Variants in GUCY1A2 observed in about 807,000 individuals in gnomAD.
GUCY1A2 encodes the protein guanylate cyclase soluble subunit alpha-2.
A neutral mutation model predicts 63.5 loss-of-function variants in GUCY1A2; 27 were observed. The observed-to-expected ratio is 0.43, with a 90% CI of 0.31 to 0.59. GUCY1A2 has a LOEUF of 0.59. GUCY1A2 is among the 20% of genes least tolerant of loss of function. The pLI, the probability that GUCY1A2 is intolerant of heterozygous loss-of-function variation, is 0.11. For synonymous variants in GUCY1A2, 364 were observed against 343.5 expected, an observed-to-expected ratio of 1.06 and a Z score of -0.66; for missense variants, 768 against 913.3, an observed-to-expected ratio of 0.84 and a Z score of 2.05.
rs1459398181 is a variant in GUCY1A2 at position 106,676,537 on chromosome 11, T to C, written c.*11012A>G. On this transcript the variant is annotated 3_prime_UTR_variant, in exon 8 of 8. Transcript: ENST00000526355. ...ATTGTATATTGCTTTTTCAATAGAG[T>C]AGACATAAAATTGATGACAAATGTT... The C allele has an allele frequency of 5.4e-6, 1 of 186,546 alleles. No homozygotes were observed. Among genetic ancestry groups the C allele is most frequent in the East Asian group, 8.6e-5 (1 of 11,580 alleles). The allele number at this position is 186,546 out of a possible 1,614,324, so 11.6% of individuals were successfully genotyped here.
chr11:107,007,137 G>T (rs978442691), intron 1 of GUCY1A2, among the ~76,000 whole-genome samples: 1 of 152,104 alleles, frequency 6.6e-6, no homozygotes, highest in South Asian at 2.1e-4. Flanking sequence ...AAAAATGCAT[G>T]AATGATGTAG....
intron 4 of GUCY1A2, among the ~76,000 whole-genome samples, chr11:106,873,323 T>C (rs969038968): frequency 2.6e-5 from 4 of 152,222 alleles, no homozygotes; most frequent in Non-Finnish European, 5.9e-5. Context: ...CTTCTGGTTC[T>C]AGATCCTTGA....
At chr11:106,799,884 G>A (rs1212859081) in intron 5 of GUCY1A2, among the ~76,000 whole-genome samples, 1 of 152,182 alleles carries the variant, frequency 6.6e-6, no homozygotes, top group East Asian at 1.9e-4. Flanking sequence ...AGCCAAAATT[G>A]ACAAATGGGA....
Position 106,935,634 on chromosome 11 carries a change from G to T in GUCY1A2, c.1206+3826C>A, listed in dbSNP as rs112622045. ...GTGGGTGGATCACCTGAGGTCAGGA[G>T]TTTGAGACGAGACCAGTCTGGCCTC... On this transcript the variant is annotated intron_variant, in intron 4 of 7. Coordinates refer to ENST00000526355, the MANE Select transcript of GUCY1A2 (RefSeq NM_000855.3). Among the ~76,000 whole-genome samples, 193 of 152,216 alleles carry T rather than the reference G, an allele frequency of 1.3e-3. 1 individual carries two copies. The highest frequency in any genetic ancestry group is 4.4e-3 in the African/African-American group (181 of 41,528).
chr11:106,763,426 T>C (rs142727273), intron 6 of GUCY1A2, among the ~76,000 whole-genome samples: 16 of 152,120 alleles, frequency 1.1e-4, no homozygotes, highest in East Asian at 7.7e-4. Flanking sequence ...TGTTAAAAGC[T>C]TGATGGAGGT....
chr11:106,853,207 A>G (rs72986529), intron 4 of GUCY1A2, among the ~76,000 whole-genome samples: 2,490 of 152,202 alleles, frequency 0.016, 34 homozygotes, highest in Non-Finnish European at 0.025. Flanking sequence ...ATTTTCAGTT[A>G]TTATTTCATT....
At chr11:106,903,107 G>C (rs111952279) in intron 4 of GUCY1A2, among the ~76,000 whole-genome samples, 10 of 150,338 alleles carry the variant, frequency 6.7e-5, no homozygotes, top group African/African-American at 2.4e-4. Context: ...AACTTCTAAG[G>C]ATAAAATAAA....
At chr11:106,848,751 G>T (rs1204396197) in intron 4 of GUCY1A2, among the ~76,000 whole-genome samples, 1 of 151,664 alleles carries the variant, frequency 6.6e-6, no homozygotes. Context: ...AGTGGGAAAA[G>T]TGTGCTGCCT....
intron 1 of GUCY1A2, among the ~76,000 whole-genome samples, chr11:107,016,330 G>A (rs1297840192): frequency 6.6e-6 from 1 of 152,262 alleles, no homozygotes; most frequent in African/African-American, 2.4e-5. Context: ...TAAAAGATGG[G>A]TGGAGGTTTG....
intron 1 of GUCY1A2, among the ~76,000 whole-genome samples, chr11:107,016,166 T>C (rs1861820836): frequency 6.6e-6 from 1 of 152,204 alleles, no homozygotes; most frequent in Non-Finnish European, 1.5e-5. Flanking sequence ...TCATTTGCAG[T>C]AGTAATCTCA....
chr11:106,825,599 T>C (rs1858958939), intron 4 of GUCY1A2, among the ~76,000 whole-genome samples: 1 of 151,886 alleles, frequency 6.6e-6, no homozygotes, highest in Non-Finnish European at 1.5e-5. Flanking sequence ...TAACTATCTT[T>C]TTGAAAGCAA....
In GUCY1A2 at chr11:106,768,448, T is replaced by C. The variant is rs115525455; in HGVS notation, c.1836+7991A>G. 8.2e-3 allele frequency among the ~76,000 whole-genome samples: 1,255 copies of C among 152,268 alleles called. 19 individuals carry two copies. Among genetic ancestry groups the C allele is most frequent in the African/African-American group, 0.029 (1,218 of 41,566 alleles). On this transcript the variant is annotated intron_variant, in intron 6 of 7. Coordinates refer to ENST00000526355, the MANE Select transcript of GUCY1A2 (RefSeq NM_000855.3). ...AAAGCCATGAAAAGTCTAACTTTAA[T>C]GGAATATTCAAGGCAATAGGAAGAT...
intron 5 of GUCY1A2, among the ~76,000 whole-genome samples, chr11:106,786,097 A>C (rs748364296): frequency 6.6e-6 from 1 of 152,226 alleles, no homozygotes; most frequent in Non-Finnish European, 1.5e-5. Context: ...AATCTGGCAC[A>C]GTAGGCATTC....
intron 6 of GUCY1A2, among the ~76,000 whole-genome samples, chr11:106,723,317 G>A (rs1202753805): frequency 6.6e-6 from 1 of 152,168 alleles, no homozygotes; most frequent in African/African-American, 2.4e-5. Context: ...CCTTTCATCA[G>A]GAACTTAGGA....
At position 106,708,669 on chromosome 11, in the gene GUCY1A2, AAAG is replaced by A; in HGVS notation, c.1837-6_1837-4del. The A allele has an allele frequency of 6.4e-7, 1 of 1,571,970 alleles. No individual in the cohort carries two copies. The highest frequency in any genetic ancestry group is 8.7e-7 in the Non-Finnish European group (1 of 1,154,944). ...CCTGAGTGAATTCCTATCCTCATCT[AAAG>A]AAGAATGAAAGAGGAAAAGGAACAT... On this transcript the variant is annotated splice_polypyrimidine_tract_variant and splice_region_variant and intron_variant, in intron 6 of 7. Transcript: ENST00000526355.
At chr11:106,990,573 G>T (rs181879437) in intron 1 of GUCY1A2, among the ~76,000 whole-genome samples, 1 of 151,882 alleles carries the variant, frequency 6.6e-6, no homozygotes, top group African/African-American at 2.4e-5. Flanking sequence ...GTAAAGATGT[G>T]TCTCTCTCTC....
At position 106,934,853 on chromosome 11, in the gene GUCY1A2, A is replaced by G. The variant is rs76239406; in HGVS notation, c.1206+4607T>C. On this transcript the variant is annotated intron_variant, in intron 4 of 7. Coordinates refer to ENST00000526355, the MANE Select transcript of GUCY1A2 (RefSeq NM_000855.3). ...GTGATGCTACTAAAAAAAAATGTCA[A>G]AAGAACTCATGTTATTTATTGTTTC... Among the ~76,000 whole-genome samples the G allele has an allele frequency of 8.1e-4, 123 of 152,320 alleles. 5 individuals carry two copies. The East Asian group carries it at 0.021, about 27-fold the overall frequency.
rs573960353 is a variant in GUCY1A2, at chr11:106,916,414, T to C, written c.1206+23046A>G. Among the ~76,000 whole-genome samples, 35 of 145,466 alleles carry C rather than the reference T, an allele frequency of 2.4e-4. 5 individuals carry two copies. Among genetic ancestry groups the C allele is most frequent in the Non-Finnish European group, 3.9e-4 (25 of 64,676 alleles). On this transcript the variant is annotated intron_variant, in intron 4 of 7. Coordinates refer to ENST00000526355, the MANE Select transcript of GUCY1A2 (RefSeq NM_000855.3). ...AAATCATACCTATCTCATTTGGTTG[T>C]TGAGAGTATTAAATATAAGTAAGAA...
intron 4 of GUCY1A2, among the ~76,000 whole-genome samples, chr11:106,907,834 T>C (rs1262595950): frequency 6.6e-6 from 1 of 152,252 alleles, no homozygotes; most frequent in East Asian, 1.9e-4. Flanking sequence ...GTTCCAAGTC[T>C]TTGCTATTGT....
Sources: allele counts gnomAD v4.1 joint callset (sites outside exome capture counted in the v4.1 genomes callset), GRCh38; gene constraint gnomAD v4.1.1; transcripts MANE v1.5; gene names NCBI Gene and HGNC (gene_info 2026-07-23, HGNC 2026-07-21).